The following IARS1 variants were observed in gnomAD, a reference collection of about 807,000 sequenced individuals.
IARS1 encodes isoleucine--tRNA ligase, cytoplasmic.
In IARS1, 124 loss-of-function variants were observed where a neutral mutation model predicts 168.2. The ratio of observed to expected loss-of-function variants is 0.74; its 90% CI spans 0.64 to 0.86. The LOEUF is 0.86. IARS1 is among the 40% of genes least tolerant of loss of function. The pLI, the probability that IARS1 is intolerant of heterozygous loss-of-function variation, is 0.00. For missense variants in IARS1, 1,452 were observed against 1,515.8 expected (o/e 0.96, Z 0.70); for synonymous variants, 532 against 529.4 (o/e 1.00, Z -0.07).
intron 32 of IARS1, 23 bp from the exon 33 acceptor site, chr9:92,222,695 G>A (rs756127352): frequency 1.2e-6 from 2 of 1,612,404 alleles, no homozygotes; most frequent in East Asian, 2.2e-5. Context: ...GAACAAACTG[G>A]ATTAAATCTC....
chr9:92,241,755 CTTT>C (rs75526527), intron 29 of IARS1, among the ~76,000 whole-genome samples: 2 of 151,958 alleles, frequency 1.3e-5, no homozygotes, highest in African/African-American at 2.4e-5. Flanking sequence ...TGTAATCTTT[CTTT>C]TTTTGTACTG....
At chr9:92,256,617 CA>C in intron 20 of IARS1, 62 bp downstream of exon 20, 1 of 1,459,942 alleles carries the variant, frequency 6.8e-7, no homozygotes, top group Non-Finnish European at 9.3e-7. Flanking sequence ...TATTAAATAT[CA>C]AAAGGGCAGT....
At chr9:92,260,609 C>T (rs541272085) in intron 17 of IARS1, among the ~76,000 whole-genome samples, 24 of 152,224 alleles carry the variant, frequency 1.6e-4, no homozygotes, top group African/African-American at 5.3e-4. Context: ...GAGCCAAGAT[C>T]GCGCCACTAC....
At chr9:92,221,299 T>C (rs937620615) in intron 33 of IARS1, among the ~76,000 whole-genome samples, 8 of 118,998 alleles carry the variant, frequency 6.7e-5, no homozygotes, top group Non-Finnish European at 3.7e-5. Context: ...GAATAAGAGG[T>C]AAGTTGGACA....
intron 21 of IARS1, 70 bp from the exon 22 acceptor site, chr9:92,251,955 A>C: frequency 8.8e-7 from 1 of 1,142,002 alleles, no homozygotes; most frequent in Non-Finnish European, 1.3e-6. Flanking sequence ...AAATAAGTTT[A>C]TTAAAAAGAG....
intron 19 of IARS1, among the ~76,000 whole-genome samples, chr9:92,257,670 C>G (rs1436101607): frequency 6.6e-6 from 1 of 152,200 alleles, no homozygotes; most frequent in East Asian, 1.9e-4. Context: ...GCAGAACAAC[C>G]AGAGCCCAAG....
Position 92,242,207 on chromosome 9 carries a change from T to G in IARS1, c.3124A>C (p.Lys1042Gln). 2 of 1,614,170 alleles carry G rather than the reference T, an allele frequency of 1.2e-6. No individual in the cohort carries two copies. Among genetic ancestry groups the G allele is most frequent in the African/African-American group, 1.3e-5 (1 of 75,078 alleles). The part of the protein sequence containing the change: ...FIFTTIKAPL[K>Q]PYPVSPSDKV... The stretch of plus-strand genomic sequence containing the variant: ...TCCGATGGAGAAACTGGATATGGTT[T>G]CAAGGGAGCCTTTATGGTGGTAAAT... Residue 1042 changes from lysine (K) to glutamine (Q), a missense_variant, in exon 29 of 34, where the codon AAA (lysine) becomes CAA (glutamine). Physicochemically the swap from Lys to Gln is moderately conservative, Grantham distance 53 (BLOSUM62 1). Coordinates refer to ENST00000443024, the MANE Select transcript of IARS1 (RefSeq NM_002161.6).
intron 30 of IARS1, 120 bp from the exon 31 acceptor site, chr9:92,229,246 C>CTA: frequency 1.2e-6 from 1 of 820,588 alleles, no homozygotes. Flanking sequence ...TTTCCCCCAA[C>CTA]TATACACTAT....
chr9:92,232,792 G>T (rs1397503918), intron 30 of IARS1, among the ~76,000 whole-genome samples: 1 of 152,092 alleles, frequency 6.6e-6, no homozygotes, highest in African/African-American at 2.4e-5. Flanking sequence ...CTACAGAAAA[G>T]AAAACAGAGA....
Position 92,229,052 on chromosome 9 carries a change from T to C in IARS1, c.3358A>G (p.Ser1120Gly), listed in dbSNP as rs1167181123. The C allele has an allele frequency of 2.5e-6, 4 of 1,614,098 alleles. No individual in the cohort carries two copies. The highest frequency in any genetic ancestry group is 3.4e-6 in the Non-Finnish European group (4 of 1,179,988). ...TCTGTATTTTTCACACCAAAAATGC[T>C]AGTGACAACACTCTTCAGCTTTAAA... ...DLLKLKSVVT[S>G]IFGVKNTELA... is the part of the protein sequence containing the mutation. Residue 1120 changes from serine to glycine, a missense_variant, in exon 31 of 34, where the codon AGC (serine) becomes GGC (glycine). By Grantham distance (56) the Ser-to-Gly change is moderately conservative. Transcript: ENST00000443024.
At chr9:92,273,353 T>C (rs191354346) in intron 10 of IARS1, among the ~76,000 whole-genome samples, 2 of 152,298 alleles carry the variant, frequency 1.3e-5, no homozygotes, top group Admixed American at 6.5e-5. Context: ...GCTGACTTTA[T>C]TGGATATTTA....
In IARS1 at chr9:92,265,502, T is replaced by C; in HGVS notation, c.1483A>G (p.Ile495Val). The C allele has an allele frequency of 6.2e-7, 1 of 1,613,500 alleles. No homozygotes were observed. Among genetic ancestry groups the C allele is most frequent in the East Asian group, 2.2e-5 (1 of 44,850 alleles). Reference sequence around the variant, plus strand: ...GACCTCTCTCTGTGGAGATCTGAGATCTTTGCTCCTGACAGTTCTTCAAGT... The same window carrying C: ...GACCTCTCTCTGTGGAGATCTGAGACCTTTGCTCCTGACAGTTCTTCAAGT... ...AELEELSGAK[I>V]SDLHRESVDH... Residue 495 changes from isoleucine to valine, a missense_variant, in exon 15 of 34, where the codon ATC (isoleucine) becomes GTC (valine). Transcript: ENST00000443024.
At chr9:92,260,073 AGAATACT>A in intron 18 of IARS1, 71 bp downstream of exon 18, 1 of 959,484 alleles carries the variant, frequency 1.0e-6, no homozygotes, top group Non-Finnish European at 1.7e-6. Flanking sequence ...ACCAAATCTA[AGAATACT>A]GATTAATAGT....
At chr9:92,264,060 C>A (rs557825092) in intron 16 of IARS1, among the ~76,000 whole-genome samples, 1 of 152,052 alleles carries the variant, frequency 6.6e-6, no homozygotes, top group Non-Finnish European at 1.5e-5. Flanking sequence ...CTGGGCTGGG[C>A]GCAATGGCTC....
chr9:92,268,391 T>G, intron 13 of IARS1, 91 bp from the exon 14 acceptor site: 1 of 1,310,532 alleles, frequency 7.6e-7, no homozygotes, highest in East Asian at 2.4e-5. Context: ...GTATAACGCT[T>G]TGTGGACCAA....
At chr9:92,284,594 G>A (rs1324664800) in intron 6 of IARS1, among the ~76,000 whole-genome samples, 1 of 152,156 alleles carries the variant, frequency 6.6e-6, no homozygotes, top group Non-Finnish European at 1.5e-5. Flanking sequence ...AGACCAGCCT[G>A]GCCAAAATGG....
intron 31 of IARS1, 79 bp from the exon 32 acceptor site, chr9:92,223,568 T>A: frequency 1.7e-6 from 2 of 1,157,604 alleles, no homozygotes; most frequent in Non-Finnish European, 2.5e-6. Flanking sequence ...CCTATTTAAC[T>A]ATCATGTATC....
chr9:92,271,066 T>G lies in IARS1; in HGVS notation c.1124A>C (p.Lys375Thr), dbSNP rs768218162. The stretch of plus-strand genomic sequence containing the variant: ...TTCCTTCAAAGTCCTGATGATACTT[T>G]TGTCAGCATCCTATTAAAAAAAATT... ...FAGQYVKDAD[K>T]SIIRTLKEQG... is the part of the protein sequence containing the mutation. Residue 375 changes from lysine to threonine, a missense_variant, in exon 12 of 34, where the codon AAA becomes ACA. Transcript: ENST00000443024. 6.2e-7 allele frequency: 1 copy of G among 1,602,824 alleles called. No individual in the cohort carries two copies. Among genetic ancestry groups the G allele is most frequent in the South Asian group, 1.1e-5 (1 of 89,210 alleles).
chr9:92,259,665 T>A (rs1419382103), intron 18 of IARS1, among the ~76,000 whole-genome samples: 3 of 152,178 alleles, frequency 2.0e-5, no homozygotes, highest in African/African-American at 7.2e-5. Flanking sequence ...TAGGTCCCTT[T>A]CAACTTGAAC....
Sources: gnomAD v4.1 joint callset for allele counts (sites outside exome capture counted in the v4.1 genomes callset) on GRCh38, gnomAD v4.1.1 for gene constraint, MANE v1.5 for transcripts, NCBI Gene and HGNC (gene_info 2026-07-23, HGNC 2026-07-21) for gene names.